GSTK1: variants seen among roughly 807,000 people sequenced by gnomAD.
GSTK1 encodes the protein glutathione S-transferase kappa 1.
A neutral mutation model predicts 30.9 loss-of-function variants in GSTK1; 25 were observed. The ratio of observed to expected loss-of-function variants is 0.81; its 90% CI spans 0.59 to 1.13. The LOEUF (loss-of-function observed/expected upper bound fraction) is 1.13, where lower values mean the gene tolerates loss of function less well. Ranked by LOEUF, GSTK1 falls within the 50% of genes most tolerant of loss-of-function variation. The pLI is 0.00. For synonymous variants in GSTK1, 108 were observed against 112.5 expected, an observed-to-expected ratio of 0.96 and a Z score of 0.25; for missense variants, 292 against 292.4, an observed-to-expected ratio of 1.00 and a Z score of 0.01.
rs774944423 is a variant in GSTK1 at position 143,264,624 on chromosome 7, C to T, written c.231C>T (p.Leu77=). The T allele has an allele frequency of 1.2e-6, 2 of 1,614,058 alleles. No individual in the cohort carries two copies. Among genetic ancestry groups the T allele is most frequent in the Non-Finnish European group, 1.7e-6 (2 of 1,179,946 alleles). ...ACTTAAAGCTCCTGAGACACCATCT[C>T]CAGATTCCCATCCACTTCCCCAAGG... ...ANDLKLLRHH[L]QIPIHFPKDF... Residue 77 remains leucine, a synonymous_variant, in exon 3 of 8, where the codon CTC becomes CTT. Transcript: ENST00000358406.
In GSTK1 at chr7:143,268,670, C is replaced by T; in HGVS notation, c.632-118C>T. The T allele has an allele frequency of 1.2e-6, 1 of 850,116 alleles. No individual in the cohort carries two copies. 52.7% of individuals were successfully genotyped at this position (850,116 alleles called of 1,614,324 possible). On this transcript the variant is annotated intron_variant, in intron 7 of 7. Transcript: ENST00000358406. The surrounding 1 kb of genome is among the most constrained non-coding windows in gnomAD (Gnocchi z 4.1). ...ACCCCATAAAAGAAAAGGAAGCCTTCTATACCTTGAAGCCAAGCAAAAGTC... is the reference window on the plus strand; with the variant it reads ...ACCCCATAAAAGAAAAGGAAGCCTTTTATACCTTGAAGCCAAGCAAAAGTC...
rs1222264242 is a variant in GSTK1 at position 143,265,018 on chromosome 7, A to G, written c.310A>G (p.Thr104Ala). Residue 104 changes from threonine to alanine, a missense_variant, in exon 4 of 8, where the codon ACC (threonine) becomes GCC (alanine). Transcript: ENST00000358406. ...KGSLSAMRFL[T>A]AVNLEHPEML... ...AAGTTTGTCTGCCATGCGTTTCCTC[A>G]CCGCCGTGAACTTGGAGCATCCAGA... 2 of 1,613,976 alleles carry G rather than the reference A, an allele frequency of 1.2e-6. No homozygotes were observed. Among genetic ancestry groups the G allele is most frequent in the Non-Finnish European group, 1.7e-6 (2 of 1,180,038 alleles).
intron 2 of GSTK1, 159 bp from the exon 3 acceptor site, chr7:143,264,389 A>G: frequency 1.2e-6 from 1 of 829,076 alleles, no homozygotes; most frequent in Non-Finnish European, 1.9e-6. Context: ...GGTTGCGGTG[A>G]GCTGAGATCG....
chr7:143,263,521 C>A lies in GSTK1; in HGVS notation c.8C>A (p.Pro3His). Residue 3 changes from proline to histidine, a missense_variant, in exon 1 of 8, where the codon CCC (proline) becomes CAC (histidine). Transcript: ENST00000358406. MG[P>H]LPRTVELFYD... ...TCTTCCGGAGCCTGCAGCATGGGGC[C>A]CCTGCCGCGCACCGTGGAGCTCTTC... 6.2e-7 allele frequency: 1 copy of A among 1,610,086 alleles called. No homozygotes were observed. The highest frequency in any genetic ancestry group is 8.5e-7 in the Non-Finnish European group (1 of 1,179,984).
chr7:143,269,005 C>A lies in GSTK1; in HGVS notation c.*168C>A. 1.5e-6 allele frequency: 1 copy of A among 661,076 alleles called. No homozygotes were observed. Among genetic ancestry groups the A allele is most frequent in the Non-Finnish European group, 2.7e-6 (1 of 367,872 alleles). The allele number at this position is 661,076 out of a possible 1,614,324, so 41.0% of individuals were successfully genotyped here. On this transcript the variant is annotated 3_prime_UTR_variant, in exon 8 of 8. Transcript: ENST00000358406. ...CCTACCCCCAAGGATGCCAGGAAGACGTCCACCATTAGCCATGTGGCAACC... is the reference window on the plus strand; with the variant it reads ...CCTACCCCCAAGGATGCCAGGAAGAAGTCCACCATTAGCCATGTGGCAACC...
At chr7:143,264,726 C>T (rs779712756) in intron 3 of GSTK1, 50 bp downstream of exon 3, 9 of 1,608,440 alleles carry the variant, frequency 5.6e-6, no homozygotes, top group Non-Finnish European at 7.6e-6. Context: ...ACACAGAAGT[C>T]GGAGATTGAG....
At position 143,267,089 on chromosome 7, in the gene GSTK1, G is replaced by C. The variant is rs572291540; in HGVS notation, c.421-528G>C. Among the ~76,000 whole-genome samples, 26 of 152,132 alleles carry C rather than the reference G, an allele frequency of 1.7e-4. 1 individual carries two copies. Among genetic ancestry groups the C allele is most frequent in the Non-Finnish European group, 2.9e-5 (2 of 68,032 alleles). On this transcript the variant is annotated intron_variant, in intron 5 of 7. Transcript: ENST00000358406. ...ACCACAAACTGAAGCCTTTATCTTT[G>C]TCTTGAAGCCAGGTAGGTGGCTGCA... is the stretch of plus-strand genomic sequence containing the variant.
Position 143,268,022 on chromosome 7 carries a change from A to T in GSTK1, c.538-69A>T. 3 of 1,224,374 alleles carry T rather than the reference A, an allele frequency of 2.5e-6. No individual in the cohort carries two copies. In the South Asian group the frequency reaches 4.0e-5, roughly 16 times the overall value. The allele number at this position is 1,224,374 out of a possible 1,614,324, so 75.8% of individuals were successfully genotyped here. A position where few individuals can be genotyped will look rare whatever the true frequency, so the allele number is the denominator to read the frequency against. On this transcript the variant is annotated intron_variant, in intron 6 of 7. Coordinates refer to ENST00000358406, the MANE Select transcript of GSTK1 (RefSeq NM_015917.3). This position sits in a 1 kb window ranked among gnomAD's most constrained non-coding sequence, Gnocchi z 4.1. ...TGTGAACTCAGAAAAGTACTGACTCAAAGGTTTCAACCCCTGCCTAATACC... is the reference window on the plus strand; with the variant it reads ...TGTGAACTCAGAAAAGTACTGACTCTAAGGTTTCAACCCCTGCCTAATACC...
chr7:143,264,816 G>A (rs760087565), intron 3 of GSTK1, 140 bp downstream of exon 3: 31 of 1,329,746 alleles, frequency 2.3e-5, no homozygotes, highest in African/African-American at 2.0e-4. Flanking sequence ...AGCCTTGAGC[G>A]AGCTGAAGGT....
At chr7:143,265,231 C>T (rs1213827932) in intron 4 of GSTK1, 30 bp from the exon 5 acceptor site, 4 of 1,604,870 alleles carry the variant, frequency 2.5e-6, no homozygotes, top group African/African-American at 1.3e-5. Context: ...CTCCCCGCAC[C>T]GCCTTCCTGC....
At position 143,266,456 on chromosome 7, in the gene GSTK1, CTAATT is replaced by C. The variant is rs565766776; in HGVS notation, c.421-1157_421-1153del. Among the ~76,000 whole-genome samples the C allele has an allele frequency of 7.8e-3, 1,189 of 152,106 alleles. 7 individuals are homozygous for C. The highest frequency in any genetic ancestry group is 0.013 in the Non-Finnish European group (876 of 67,998). On this transcript the variant is annotated intron_variant, in intron 5 of 7. Coordinates refer to ENST00000358406, the MANE Select transcript of GSTK1 (RefSeq NM_015917.3). ...AACATTTTGTGTAGGACATAATTCT[CTAATT>C]TAACCAAGTCAAAGATAGTGTCTCA... is the stretch of plus-strand genomic sequence containing the variant.
chr7:143,267,075 A>C (rs553918599), intron 5 of GSTK1, among the ~76,000 whole-genome samples: 8 of 152,224 alleles, frequency 5.3e-5, no homozygotes, highest in African/African-American at 1.9e-4. Context: ...CCACAAACTG[A>C]AGCCTTTATC....
At chr7:143,265,179 G>GC in intron 4 of GSTK1, 82 bp from the exon 5 acceptor site, 4 of 1,608,070 alleles carry the variant, frequency 2.5e-6, no homozygotes, top group Non-Finnish European at 3.4e-6. Flanking sequence ...TCATGATCCT[G>GC]CCCCCGCCCG....
intron 1 of GSTK1, 81 bp downstream of exon 1, chr7:143,263,666 G>C: frequency 7.4e-7 from 1 of 1,352,516 alleles, no homozygotes. Context: ...CCGGGACAGA[G>C]GTCTCGTGTA....
In GSTK1 at chr7:143,268,171, G is replaced by C. The variant is rs1369381987; in HGVS notation, c.618G>C (p.Leu206=). 2 of 1,613,686 alleles carry C rather than the reference G, an allele frequency of 1.2e-6. No individual in the cohort carries two copies. The highest frequency in any genetic ancestry group is 1.3e-5 in the African/African-American group (1 of 74,918). ...MLFGSDRMEL[L]AHLLGEKWMG... is the part of the protein sequence containing the mutation. ...TTGGCTCTGACCGGATGGAGCTGCT[G>C]GCGCACCTGCTGGGTAAGTAAGTTA... The change falls in exon 7 of 8, where the codon CTG becomes CTC. Residue 206 remains leucine, a synonymous_variant. Coordinates refer to ENST00000358406, the MANE Select transcript of GSTK1 (RefSeq NM_015917.3). This position sits in a 1 kb window ranked among gnomAD's most constrained non-coding sequence, Gnocchi z 4.1.
chr7:143,263,680 C>A (rs2116691676), intron 1 of GSTK1, 95 bp downstream of exon 1: 2 of 1,171,058 alleles, frequency 1.7e-6, no homozygotes, highest in Non-Finnish European at 2.5e-6. Flanking sequence ...TCGTGTAACT[C>A]CTGGCGCCGC....
chr7:143,265,387 G>A, intron 5 of GSTK1, 91 bp downstream of exon 5: 1 of 1,118,140 alleles, frequency 8.9e-7, no homozygotes, highest in Admixed American at 2.8e-5. Context: ...GTCTCTTATT[G>A]CATGGAAAAG....
In GSTK1 at chr7:143,265,086, G is replaced by A; in HGVS notation, c.378G>A (p.Trp126Ter). ...KASRELWMRV[W>*]SRNEDITEPQ... ...CCCGGGAGCTGTGGATGCGCGTCTGGTCAAGGGTGAGTGTGGGGCTCTGGG... is the reference window on the plus strand; with the variant it reads ...CCCGGGAGCTGTGGATGCGCGTCTGATCAAGGGTGAGTGTGGGGCTCTGGG... Residue 126 changes from tryptophan to a stop codon, truncating the protein, a stop_gained, in exon 4 of 8, where the codon TGG becomes TGA. Transcript: ENST00000358406. LOFTEE classifies it high-confidence loss of function. 1 of 1,614,186 alleles carries A rather than the reference G, an allele frequency of 6.2e-7. No homozygotes were observed.
chr7:143,264,496 C>T, intron 2 of GSTK1, 52 bp from the exon 3 acceptor site: 1 of 1,603,044 alleles, frequency 6.2e-7, no homozygotes, highest in Non-Finnish European at 8.5e-7. Context: ...GTCCCCAAAC[C>T]TGGGACCCTT....
Sources: gnomAD v4.1 joint callset for allele counts (sites outside exome capture counted in the v4.1 genomes callset) on GRCh38, gnomAD v4.1.1 for gene constraint, Gnocchi (gnomAD v3.1) non-coding constraint, MANE v1.5 for transcripts, NCBI Gene and HGNC (gene_info 2026-07-23, HGNC 2026-07-21) for gene names.